SRGAP2: variants seen among roughly 807,000 people sequenced by gnomAD.
SRGAP2 encodes the protein SLIT-ROBO Rho GTPase-activating protein 2.
In SRGAP2, 15 loss-of-function variants were observed where a neutral mutation model predicts 57.2. That is an observed-to-expected ratio of 0.26 (90% CI 0.18 to 0.40). SRGAP2 has a LOEUF of 0.40. Among genes scored for constraint, SRGAP2 ranks in the 10% least tolerant of loss-of-function variants. The probability of loss-of-function intolerance (pLI) is 1.00; values close to 1 mark genes in which losing one functional copy is unlikely to be tolerated. For synonymous variants in SRGAP2, 249 were observed against 248.0 expected (o/e 1.00, Z -0.04); for missense variants, 520 against 669.6 (o/e 0.78, Z 2.47).
intron 14 of SRGAP2, 24 bp from the exon 15 acceptor site, chr1:206,436,941 G>T: frequency 2.6e-6 from 2 of 780,480 alleles, no homozygotes; most frequent in South Asian, 2.7e-5. Context: ...TCTTCTTCTT[G>T]ATCACTTTTC....
At chr1:206,412,952 G>A (rs890008711) in intron 10 of SRGAP2, among the ~76,000 whole-genome samples, 27 of 152,160 alleles carry the variant, frequency 1.8e-4, no homozygotes, top group Admixed American at 6.5e-5. Flanking sequence ...TAGGGATACA[G>A]TTCATACCTT....
chr1:206,285,737 G>A (rs1217706707), intron 2 of SRGAP2, among the ~76,000 whole-genome samples: 2 of 151,976 alleles, frequency 1.3e-5, no homozygotes, highest in Non-Finnish European at 2.9e-5. Context: ...GTGTGATCTC[G>A]GCTCAGTGCA....
intron 17 of SRGAP2, among the ~76,000 whole-genome samples, chr1:206,444,809 C>T (rs1362959108): frequency 6.6e-6 from 1 of 152,226 alleles, no homozygotes; most frequent in Non-Finnish European, 1.5e-5. Context: ...AGATTTGTAA[C>T]CTCCCCCGTT....
intron 3 of SRGAP2, among the ~76,000 whole-genome samples, chr1:206,321,299 A>G (rs1268456877): frequency 8.6e-6 from 1 of 116,346 alleles, no homozygotes; most frequent in Admixed American, 8.9e-5. Context: ...TCAGTGCATC[A>G]TATCAGGAAG....
chr1:206,397,129 T>G (rs1174274077), intron 7 of SRGAP2, among the ~76,000 whole-genome samples: 1 of 152,030 alleles, frequency 6.6e-6, no homozygotes, highest in African/African-American at 2.4e-5. Context: ...ACCACTGTTA[T>G]GATTTCTTTC....
At chr1:206,415,763 G>C (rs1190927547) in intron 10 of SRGAP2, 126 bp from the exon 11 acceptor site, 5 of 682,432 alleles carry the variant, frequency 7.3e-6, no homozygotes, top group Non-Finnish European at 1.3e-5. Context: ...TTAAAAAATT[G>C]ACTGGTGGAA....
intron 10 of SRGAP2, among the ~76,000 whole-genome samples, chr1:206,413,300 A>G (rs1370624882): frequency 1.3e-5 from 2 of 152,176 alleles, no homozygotes; most frequent in Admixed American, 1.3e-4. Context: ...CATTGTTGGC[A>G]ATGGATATTT....
At chr1:206,433,855 A>AT (rs1467808916) in intron 14 of SRGAP2, among the ~76,000 whole-genome samples, 3 of 152,190 alleles carry the variant, frequency 2.0e-5, no homozygotes, top group African/African-American at 7.2e-5. Flanking sequence ...GTAATTAGTA[A>AT]TTTTTTATCA....
At chr1:206,311,231 T>C (rs1672615833) in intron 3 of SRGAP2, among the ~76,000 whole-genome samples, 1 of 151,994 alleles carries the variant, frequency 6.6e-6, no homozygotes, top group Admixed American at 6.6e-5. Flanking sequence ...TTTCTCTAAA[T>C]ATAGAAGAAG....
At chr1:206,398,724 A>G (rs1657858416) in intron 7 of SRGAP2, among the ~76,000 whole-genome samples, 1 of 152,146 alleles carries the variant, frequency 6.6e-6, no homozygotes, top group Admixed American at 6.5e-5. Context: ...GTGATATGAC[A>G]TGGCAAGTCA....
chr1:206,257,727 A>C (rs1571697381), intron 2 of SRGAP2, among the ~76,000 whole-genome samples: 1 of 117,654 alleles, frequency 8.5e-6, no homozygotes. Context: ...GGTGGTAGGA[A>C]AGCAGACTAT....
rs566625693 is a variant in SRGAP2 at position 206,353,798 on chromosome 1, ATT to A, written c.423+10808_423+10809del. Among the ~76,000 whole-genome samples, 80 of 127,294 alleles carry A rather than the reference ATT, an allele frequency of 6.3e-4. 1 individual carries two copies. Among genetic ancestry groups the A allele is most frequent in the East Asian group, 1.1e-3 (5 of 4,576 alleles). The allele number at this position is 127,294 out of a possible 152,430, so 83.5% of individuals were successfully genotyped here. The stretch of plus-strand genomic sequence containing the variant: ...ATCCAATGAATTTTTTTTATTTCAG[ATT>A]TTTTTTTTTTTTTTTTTGAGATGGA... On this transcript the variant is annotated intron_variant, in intron 4 of 22. Transcript: ENST00000573034.
At position 206,461,155 on chromosome 1, in the gene SRGAP2, C is replaced by A. The variant is rs1389857045; in HGVS notation, c.2951C>A (p.Pro984Gln). The A allele has an allele frequency of 3.8e-6, 3 of 780,554 alleles. No individual in the cohort carries two copies. Among genetic ancestry groups the A allele is most frequent in the Non-Finnish European group, 7.2e-6 (3 of 417,890 alleles). The allele number at this position is 780,554 out of a possible 1,614,324, so 48.4% of individuals were successfully genotyped here. A position where few individuals can be genotyped will look rare whatever the true frequency, so the allele number is the denominator to read the frequency against. ...LDTLEPLKTS[P>Q]VVAPTSEPSS... Reference sequence around the variant, plus strand: ...ACCTTGGAGCCCCTCAAAACCTCCCCAGTGGTGGCCCCCACGTCAGAGCCC... The same window carrying A: ...ACCTTGGAGCCCCTCAAAACCTCCCAAGTGGTGGCCCCCACGTCAGAGCCC... The change falls in exon 23 of 23, where the codon CCA (proline) becomes CAA (glutamine). Residue 984 changes from proline to glutamine, a missense_variant. Pro to Gln is a moderately conservative substitution (Grantham distance 76, BLOSUM62 -1). Coordinates refer to ENST00000573034, the MANE Select transcript of SRGAP2 (RefSeq NM_015326.5).
intron 2 of SRGAP2, among the ~76,000 whole-genome samples, chr1:206,296,613 G>A (rs1417154419): frequency 0.028 from 4,245 of 152,164 alleles, 199 homozygotes; most frequent in African/African-American, 0.095. Context: ...AAAAAATTTT[G>A]TAGAGCTGGG....
At chr1:206,305,371 C>T (rs1395110696) in intron 3 of SRGAP2, among the ~76,000 whole-genome samples, 32 of 151,844 alleles carry the variant, frequency 2.1e-4, no homozygotes, top group Non-Finnish European at 4.3e-4. Flanking sequence ...TCACTGGCAT[C>T]CTGTTACTTG....
intron 3 of SRGAP2, among the ~76,000 whole-genome samples, chr1:206,333,803 T>A (rs1203360600): frequency 2.0e-5 from 3 of 152,240 alleles, no homozygotes; most frequent in Non-Finnish European, 4.4e-5. Context: ...ACTCTGGGTC[T>A]TAAGCATAGT....
rs577791413 is a variant in SRGAP2 at position 206,440,553 on chromosome 1, C to CT, written c.1874+485dup. Among the ~76,000 whole-genome samples, 399 of 144,210 alleles carry CT rather than the reference C, an allele frequency of 2.8e-3. 1 individual carries two copies. The highest frequency in any genetic ancestry group is 3.7e-3 in the Middle Eastern group (1 of 272). The allele number at this position is 144,210 out of a possible 152,430, so 94.6% of individuals were successfully genotyped here. A position where few individuals can be genotyped will look rare whatever the true frequency, so the allele number is the denominator to read the frequency against. Reference sequence around the variant, plus strand: ...ATTTGGGAAGCAATTAGAAGATTTTCTTTTTTTTTTTTTGAGACGGAGTCT... The same window carrying CT: ...ATTTGGGAAGCAATTAGAAGATTTTCTTTTTTTTTTTTTTGAGACGGAGTCT... On this transcript the variant is annotated intron_variant, in intron 17 of 22. Transcript: ENST00000573034.
At chr1:206,278,179 CTG>C (rs1670528736) in intron 2 of SRGAP2, among the ~76,000 whole-genome samples, 1 of 151,458 alleles carries the variant, frequency 6.6e-6, no homozygotes, top group Admixed American at 6.6e-5. Context: ...ATAAAGATCT[CTG>C]TGAGTTAACA....
chr1:206,414,260 C>A (rs1222062902), intron 10 of SRGAP2, among the ~76,000 whole-genome samples: 1 of 152,072 alleles, frequency 6.6e-6, no homozygotes, highest in African/African-American at 2.4e-5. Flanking sequence ...TGGTCTCAAA[C>A]TCCTGTCCTC....
Sources: gnomAD v4.1 joint callset for allele counts (sites outside exome capture counted in the v4.1 genomes callset) on GRCh38, gnomAD v4.1.1 for gene constraint, MANE v1.5 for transcripts, NCBI Gene and HGNC (gene_info 2026-07-23, HGNC 2026-07-21) for gene names.